Variants in GUCY1B1 observed in about 807,000 individuals in gnomAD.
The protein encoded by GUCY1B1 is guanylate cyclase 1 soluble subunit beta 1.
GUCY1B1 carries 43 observed loss-of-function variants against 71.0 expected under a neutral mutation model. The ratio of observed to expected loss-of-function variants is 0.61; its 90% CI spans 0.47 to 0.78. The LOEUF (loss-of-function observed/expected upper bound fraction) is 0.78, where lower values mean the gene tolerates loss of function less well. Ranked by LOEUF, GUCY1B1 falls within the 30% of genes least tolerant of loss-of-function variation. The pLI is 0.00. For missense variants in GUCY1B1, 535 were observed against 754.1 expected (o/e 0.71, Z 3.40); for synonymous variants, 266 against 259.7 (o/e 1.02, Z -0.23).
intron 2 of GUCY1B1, among the ~76,000 whole-genome samples, chr4:155,760,577 T>A (rs1051313718): frequency 8.5e-5 from 13 of 152,208 alleles, no homozygotes; most frequent in African/African-American, 3.1e-4. Flanking sequence ...TTTAAACCTG[T>A]TGGAATGACT....
chr4:155,791,773 G>A (rs1324238353), intron 5 of GUCY1B1, among the ~76,000 whole-genome samples: 4 of 97,922 alleles, frequency 4.1e-5, no homozygotes, highest in South Asian at 4.4e-4. Context: ...AAAACAAAAC[G>A]AAAAACAAAA....
intron 4 of GUCY1B1, among the ~76,000 whole-genome samples, chr4:155,782,988 A>C (rs1210023615): frequency 6.6e-6 from 1 of 152,230 alleles, no homozygotes; most frequent in Non-Finnish European, 1.5e-5. Flanking sequence ...CCCAGTTTCC[A>C]TCTGATTCCG....
intron 2 of GUCY1B1, among the ~76,000 whole-genome samples, chr4:155,762,915 C>G (rs959365702): frequency 6.6e-6 from 1 of 152,108 alleles, no homozygotes; most frequent in South Asian, 2.1e-4. Flanking sequence ...TAGACCATAA[C>G]AAATGTGAAA....
chr4:155,798,453 C>T (rs1055439124), intron 8 of GUCY1B1, among the ~76,000 whole-genome samples: 1 of 152,120 alleles, frequency 6.6e-6, no homozygotes, highest in African/African-American at 2.4e-5. Flanking sequence ...GATCTGGCTT[C>T]TTTCTAGATG....
chr4:155,760,432 C>T (rs1347157426), intron 2 of GUCY1B1, among the ~76,000 whole-genome samples: 1 of 143,370 alleles, frequency 7.0e-6, no homozygotes, highest in South Asian at 2.3e-4. Context: ...CCACCCCCCC[C>T]GCCCCAACCC....
chr4:155,802,608 G>A lies in GUCY1B1; in HGVS notation c.1413+29G>A, dbSNP rs1740037207. 1 of 1,524,846 alleles carries A rather than the reference G, an allele frequency of 6.6e-7. No individual in the cohort carries two copies. Among genetic ancestry groups the A allele is most frequent in the Middle Eastern group, 1.7e-4 (1 of 5,740 alleles). The allele number at this position is 1,524,846 out of a possible 1,614,324, so 94.5% of individuals were successfully genotyped here. On this transcript the variant is annotated intron_variant, in intron 10 of 13. Transcript: ENST00000264424. This position sits in a 1 kb window ranked among gnomAD's most constrained non-coding sequence, Gnocchi z 4.3. Reference sequence around the variant, plus strand: ...AGTGTTCTTTATCGCTGACTGCAGAGCTATCCAGAGGCTGGCGTTCTGAGA... The same window carrying A: ...AGTGTTCTTTATCGCTGACTGCAGAACTATCCAGAGGCTGGCGTTCTGAGA...
chr4:155,772,677 C>T, intron 2 of GUCY1B1: 1 of 702,140 alleles, frequency 1.4e-6, no homozygotes, highest in Non-Finnish European at 2.6e-6. Flanking sequence ...ACCTGGGCTT[C>T]CCAAAGTGCT....
Position 155,774,959 on chromosome 4 carries a change from G to T in GUCY1B1, c.78-9G>T. The T allele has an allele frequency of 6.9e-7, 1 of 1,441,278 alleles. No individual in the cohort carries two copies. Among genetic ancestry groups the T allele is most frequent in the South Asian group, 1.2e-5 (1 of 86,944 alleles). 89.3% of individuals were successfully genotyped at this position (1,441,278 alleles called of 1,614,324 possible). A position where few individuals can be genotyped will look rare whatever the true frequency, so the allele number is the denominator to read the frequency against. ...TTTCTCTTCTGTCTTTCTTGTTTTT[G>T]TTTTCCAGAAAAGAGGCACAGTTAG... On this transcript the variant is annotated splice_polypyrimidine_tract_variant and intron_variant, in intron 2 of 13. Coordinates refer to ENST00000264424, the MANE Select transcript of GUCY1B1 (RefSeq NM_000857.5).
intron 4 of GUCY1B1, among the ~76,000 whole-genome samples, chr4:155,781,136 A>G (rs1275539697): frequency 2.0e-5 from 3 of 152,228 alleles, no homozygotes; most frequent in Middle Eastern, 3.2e-3. Context: ...ATAATGAAAG[A>G]AAATTTCTAA....
At chr4:155,791,325 C>T (rs1446205984) in intron 5 of GUCY1B1, among the ~76,000 whole-genome samples, 1 of 150,240 alleles carries the variant, frequency 6.7e-6, no homozygotes, top group Non-Finnish European at 1.5e-5. Context: ...CCGTGTTAGC[C>T]AGGATGGTCT....
At chr4:155,786,708 T>G (rs574631767) in intron 4 of GUCY1B1, among the ~76,000 whole-genome samples, 1 of 151,656 alleles carries the variant, frequency 6.6e-6, no homozygotes, top group Non-Finnish European at 1.5e-5. Context: ...CTCCTGACCT[T>G]GTGATCCGCC....
intron 5 of GUCY1B1, among the ~76,000 whole-genome samples, chr4:155,792,035 A>T (rs998222600): frequency 1.3e-5 from 2 of 152,138 alleles, no homozygotes; most frequent in Non-Finnish European, 2.9e-5. Context: ...AAATATTTAA[A>T]TTCTCTTCTG....
At position 155,793,928 on chromosome 4, in the gene GUCY1B1, G is replaced by T. The variant is rs746756249; in HGVS notation, c.568G>T (p.Asp190Tyr). 2.8e-5 allele frequency: 44 copies of T among 1,595,806 alleles called. No individual in the cohort carries two copies. Among genetic ancestry groups the T allele is most frequent in the Non-Finnish European group, 3.4e-5 (39 of 1,163,450 alleles). Residue 190 changes from aspartate to tyrosine, a missense_variant, in exon 6 of 14, where the codon GAT becomes TAT. Physicochemically the swap from Asp to Tyr is radical, Grantham distance 160 (BLOSUM62 -3). Coordinates refer to ENST00000264424, the MANE Select transcript of GUCY1B1 (RefSeq NM_000857.5). ...TGAAGAAAAAGAGTCAAAAGAAGAGGATTTTTATGAAGATCTTGACAGATT... is the reference window on the plus strand; with the variant it reads ...TGAAGAAAAAGAGTCAAAAGAAGAGTATTTTTATGAAGATCTTGACAGATT... ...LIEEKESKEE[D>Y]FYEDLDRFEE... is the part of the protein sequence containing the mutation.
Position 155,799,930 on chromosome 4 carries a change from C to T in GUCY1B1, c.1031C>T (p.Pro344Leu). Residue 344 changes from proline to leucine, a missense_variant, in exon 9 of 14, where the codon CCT becomes CTT. Transcript: ENST00000264424. Reference sequence around the variant, plus strand: ...AGAGGGCTGTATCTAAGTGACATCCCTCTGCATGATGCCACGCGCGATCTT... The same window carrying T: ...AGAGGGCTGTATCTAAGTGACATCCTTCTGCATGATGCCACGCGCGATCTT... Reference protein sequence around the residue: ...TRRGLYLSDIPLHDATRDLVL... With the variant: ...TRRGLYLSDILLHDATRDLVL... 6.2e-7 allele frequency: 1 copy of T among 1,613,016 alleles called. No individual in the cohort carries two copies. Among genetic ancestry groups the T allele is most frequent in the African/African-American group, 1.3e-5 (1 of 74,976 alleles).
At chr4:155,790,456 TAC>T (rs1365034287) in intron 5 of GUCY1B1, among the ~76,000 whole-genome samples, 1 of 152,158 alleles carries the variant, frequency 6.6e-6, no homozygotes, top group Non-Finnish European at 1.5e-5. Flanking sequence ...TTATTGATAA[TAC>T]ACACTCTTAG....
chr4:155,782,969 T>C (rs1468391474), intron 4 of GUCY1B1, among the ~76,000 whole-genome samples: 1 of 152,206 alleles, frequency 6.6e-6, no homozygotes, highest in Admixed American at 6.5e-5. Flanking sequence ...GGCATTCTGA[T>C]AATTTCAGCC....
chr4:155,765,587 C>T (rs1277867176), intron 2 of GUCY1B1, among the ~76,000 whole-genome samples: 4 of 152,140 alleles, frequency 2.6e-5, no homozygotes, highest in East Asian at 1.9e-4. Context: ...TGGACCTCCT[C>T]GTTACTGTGG....
At chr4:155,801,339 G>A (rs888890763) in intron 9 of GUCY1B1, among the ~76,000 whole-genome samples, 1 of 152,166 alleles carries the variant, frequency 6.6e-6, no homozygotes, top group African/African-American at 2.4e-5. Context: ...ATTAGATTTA[G>A]AATTTGGTTT....
rs372568084 is a variant in GUCY1B1, at chr4:155,770,874, T to C, written c.78-4094T>C. ...TCTTGCATTTCCACTCTCATGTCTT[T>C]ATCCAGAGCTACCTCTTCCTGTAGT... On this transcript the variant is annotated intron_variant, in intron 2 of 13. Coordinates refer to ENST00000264424, the MANE Select transcript of GUCY1B1 (RefSeq NM_000857.5). 3.7e-4 allele frequency among the ~76,000 whole-genome samples: 57 copies of C among 152,298 alleles called. 1 individual carries two copies. Among genetic ancestry groups the C allele is most frequent in the African/African-American group, 1.3e-3 (52 of 41,572 alleles).
Sources: gnomAD v4.1 joint callset for allele counts (sites outside exome capture counted in the v4.1 genomes callset) on GRCh38, gnomAD v4.1.1 for gene constraint, Gnocchi (gnomAD v3.1) non-coding constraint, MANE v1.5 for transcripts, NCBI Gene and HGNC (gene_info 2026-07-23, HGNC 2026-07-21) for gene names.